The following TBC1D19 variants were observed in gnomAD, a reference collection of about 807,000 sequenced individuals.
TBC1D19 encodes the protein TBC1 domain family member 19, also known as TBC1 domain family, member 19.
A neutral mutation model predicts 89.0 loss-of-function variants in TBC1D19; 60 were observed. The ratio of observed to expected loss-of-function variants is 0.67; its 90% CI spans 0.55 to 0.84. The LOEUF (loss-of-function observed/expected upper bound fraction) is 0.84, where lower values mean the gene tolerates loss of function less well. Among genes scored for constraint, TBC1D19 ranks in the 40% least tolerant of loss-of-function variants. The probability of loss-of-function intolerance (pLI) is 0.00; values close to 1 mark genes in which losing one functional copy is unlikely to be tolerated. For missense variants in TBC1D19, 500 were observed against 610.8 expected (o/e 0.82, Z 1.91); for synonymous variants, 189 against 199.7 (o/e 0.95, Z 0.45).
In TBC1D19 at chr4:26,614,467, C is replaced by G; in HGVS notation, c.218+14C>G. 1.3e-6 allele frequency: 2 copies of G among 1,573,086 alleles called. No individual in the cohort carries two copies. The highest frequency in any genetic ancestry group is 1.7e-6 in the Non-Finnish European group (2 of 1,157,980). On this transcript the variant is annotated intron_variant, in intron 3 of 20. Transcript: ENST00000264866. ...TGAACTGAGTGTGTGAGTTTTCCCA[C>G]CTATTTTACAATAGTATTTTGTTTA...
chr4:26,666,070 T>C (rs1488526231), intron 8 of TBC1D19, among the ~76,000 whole-genome samples: 1 of 152,060 alleles, frequency 6.6e-6, no homozygotes, highest in African/African-American at 2.4e-5. Context: ...TAAATGCTTA[T>C]ATCTTTTCTA....
the TBC1D19 span, among the ~76,000 whole-genome samples, chr4:26,783,043 C>A: frequency 1.3e-5 from 2 of 152,192 alleles, no homozygotes; most frequent in African/African-American, 4.8e-5. Flanking sequence ...GGAGTCCACA[C>A]CTTGTGACAA....
At chr4:26,804,392 G>A in the TBC1D19 span, among the ~76,000 whole-genome samples, 1 of 152,170 alleles carries the variant, frequency 6.6e-6, no homozygotes, top group Non-Finnish European at 1.5e-5. Context: ...TTGATCCACT[G>A]GCTTCGGCCT....
At chr4:26,842,586 T>TTCTTTCTC in the TBC1D19 span, among the ~76,000 whole-genome samples, 1 of 74,380 alleles carries the variant, frequency 1.3e-5, no homozygotes, top group African/African-American at 5.8e-5. Flanking sequence ...CTCCCTCCCT[T>TTCTTTCTC]TCTTTCTTTC....
intron 9 of TBC1D19, among the ~76,000 whole-genome samples, chr4:26,667,766 A>G (rs1197751236): frequency 6.6e-6 from 1 of 151,996 alleles, no homozygotes; most frequent in Non-Finnish European, 1.5e-5. Flanking sequence ...ACTCATATTC[A>G]TATTTGTATA....
Position 26,673,472 on chromosome 4 carries a change from C to CACACACACACAT in TBC1D19, c.704-301_704-300insCACACACATACA, listed in dbSNP as rs1381207843. ...ACACACACACACACACACACACACA[C>CACACACACACAT]ACAATACTAGTTTCAGATCCATGGA... is the stretch of plus-strand genomic sequence containing the variant. On this transcript the variant is annotated intron_variant, in intron 10 of 20. Coordinates refer to ENST00000264866, the MANE Select transcript of TBC1D19 (RefSeq NM_018317.4). 2.0e-3 allele frequency among the ~76,000 whole-genome samples: 296 copies of CACACACACACAT among 148,860 alleles called. 2 individuals carry two copies. The highest frequency in any genetic ancestry group is 7.1e-3 in the African/African-American group (287 of 40,652).
chr4:26,697,929 G>A (rs949036104), intron 13 of TBC1D19, among the ~76,000 whole-genome samples: 18 of 152,130 alleles, frequency 1.2e-4, no homozygotes, highest in Non-Finnish European at 1.9e-4. Flanking sequence ...AAAACTGGAG[G>A]CATTCCCTTT....
At chr4:26,632,780 T>C (rs1220012173) in intron 4 of TBC1D19, among the ~76,000 whole-genome samples, 2 of 152,168 alleles carry the variant, frequency 1.3e-5, no homozygotes, top group Non-Finnish European at 2.9e-5. Flanking sequence ...TTCTATGATA[T>C]GGACACTGAA....
At chr4:26,705,117 GT>G (rs561726223) in intron 13 of TBC1D19, among the ~76,000 whole-genome samples, 2 of 128,570 alleles carry the variant, frequency 1.6e-5, no homozygotes, top group South Asian at 2.6e-4. Context: ...GGATCAACTT[GT>G]TTTTTTTTGT....
intron 1 of TBC1D19, among the ~76,000 whole-genome samples, chr4:26,607,066 G>T (rs1391651602): frequency 6.6e-6 from 1 of 152,084 alleles, no homozygotes; most frequent in Non-Finnish European, 1.5e-5. Context: ...GGAGAGGTTT[G>T]GTCATGTGTT....
intron 1 of TBC1D19, among the ~76,000 whole-genome samples, chr4:26,603,752 A>G (rs1227763767): frequency 2.6e-5 from 4 of 152,230 alleles, no homozygotes; most frequent in Non-Finnish European, 4.4e-5. Flanking sequence ...AAGTTACTAT[A>G]CAATGAGTTT....
chr4:26,688,807 G>A (rs1172661902), intron 13 of TBC1D19, among the ~76,000 whole-genome samples: 6 of 152,016 alleles, frequency 3.9e-5, no homozygotes, highest in South Asian at 2.1e-4. Context: ...TTGGAGTGTC[G>A]TGATTATCCT....
the TBC1D19 span, among the ~76,000 whole-genome samples, chr4:26,849,180 TA>T: frequency 1.1e-4 from 14 of 131,564 alleles, no homozygotes; most frequent in Non-Finnish European, 1.9e-4. Flanking sequence ...TGTGTCAAAA[TA>T]AATGATACAC....
chr4:26,590,818 T>G (rs866313414), intron 1 of TBC1D19, among the ~76,000 whole-genome samples: 2 of 132,454 alleles, frequency 1.5e-5, no homozygotes, highest in African/African-American at 5.5e-5. Flanking sequence ...TTTTTTTTTT[T>G]TTTTTTTTTG....
At chr4:26,763,414 T>A in the TBC1D19 span, among the ~76,000 whole-genome samples, 1 of 152,208 alleles carries the variant, frequency 6.6e-6, no homozygotes, top group Non-Finnish European at 1.5e-5. Context: ...TGATAAAACT[T>A]TGGTCTCCAC....
chr4:26,637,475 C>G (rs1348709429), intron 5 of TBC1D19, among the ~76,000 whole-genome samples, 190 bp downstream of exon 5: 1 of 152,086 alleles, frequency 6.6e-6, no homozygotes, highest in African/African-American at 2.4e-5. Flanking sequence ...TGGGTTCAAG[C>G]AATTCTCCTG....
chr4:26,683,013 A>T (rs563911142), intron 11 of TBC1D19, among the ~76,000 whole-genome samples: 1 of 152,254 alleles, frequency 6.6e-6, no homozygotes, highest in South Asian at 2.1e-4. Flanking sequence ...TGGCTCAATC[A>T]TAACTCACTG....
chr4:26,752,598 G>A (rs1719029826), intron 19 of TBC1D19, among the ~76,000 whole-genome samples: 1 of 152,024 alleles, frequency 6.6e-6, no homozygotes, highest in Non-Finnish European at 1.5e-5. Context: ...TTGTTGGGTA[G>A]AGAATCCACT....
At chr4:26,711,971 C>T (rs1335543890) in intron 13 of TBC1D19, among the ~76,000 whole-genome samples, 1 of 152,002 alleles carries the variant, frequency 6.6e-6, no homozygotes, top group African/African-American at 2.4e-5. Flanking sequence ...CTCCTTAGAG[C>T]AGTCTCAGAT....
Sources: allele counts gnomAD v4.1 joint callset (sites outside exome capture counted in the v4.1 genomes callset), GRCh38; gene constraint gnomAD v4.1.1; transcripts MANE v1.5; gene names NCBI Gene and HGNC (gene_info 2026-07-23, HGNC 2026-07-21).